The following PRPF18 variants were observed in gnomAD, a reference collection of about 807,000 sequenced individuals.
PRPF18 encodes the protein pre-mRNA processing factor 18, also known as pre-mRNA-splicing factor 18.
In PRPF18, 38 loss-of-function variants were observed where a neutral mutation model predicts 46.5. The observed-to-expected ratio is 0.82, with a 90% CI of 0.63 to 1.07. The LOEUF is 1.07. Ranked by LOEUF, PRPF18 falls within the 50% of genes least tolerant of loss-of-function variation. PRPF18 has a pLI of 0.00. For synonymous variants in PRPF18, 152 were observed against 146.7 expected (o/e 1.04, Z -0.26); for missense variants, 263 against 410.0 (o/e 0.64, Z 3.10).
At chr10:13,611,807 A>G (rs1324445591) in intron 6 of PRPF18, 124 bp downstream of exon 6, 3 of 699,328 alleles carry the variant, frequency 4.3e-6, no homozygotes, top group African/African-American at 3.6e-5. Flanking sequence ...TCACACATAC[A>G]TGATGTTTAT....
chr10:13,628,304 T>TA (rs1191673566), intron 9 of PRPF18, among the ~76,000 whole-genome samples: 1 of 152,214 alleles, frequency 6.6e-6, no homozygotes, highest in Non-Finnish European at 1.5e-5. Flanking sequence ...TGGAATCTGT[T>TA]AGATTATGGC....
intron 9 of PRPF18, among the ~76,000 whole-genome samples, chr10:13,617,738 A>T (rs2478126): frequency 6.6e-6 from 1 of 151,942 alleles, no homozygotes; most frequent in East Asian, 1.9e-4. Context: ...ATTTTTTTTT[A>T]AGTATACCTA....
intron 9 of PRPF18, among the ~76,000 whole-genome samples, chr10:13,623,739 A>T (rs1227495869): frequency 6.6e-6 from 1 of 152,182 alleles, no homozygotes. Context: ...AAAAATTGCT[A>T]ATCTTTTTAG....
At chr10:13,610,746 AGTGGGATT>A (rs1187284862) in intron 5 of PRPF18, among the ~76,000 whole-genome samples, 1 of 152,098 alleles carries the variant, frequency 6.6e-6, no homozygotes, top group African/African-American at 2.4e-5. Flanking sequence ...GGCCTAGCAA[AGTGGGATT>A]GTGGGATTTA....
At chr10:13,644,129 C>G in the PRPF18 span, 1 of 152,556 alleles carries the variant, frequency 6.6e-6, no homozygotes, top group Non-Finnish European at 1.5e-5. Context: ...AGTTTCAACA[C>G]TCACCTGCAT....
intron 9 of PRPF18, among the ~76,000 whole-genome samples, chr10:13,626,549 G>A (rs1013795647): frequency 1.3e-5 from 2 of 152,170 alleles, no homozygotes; most frequent in African/African-American, 2.4e-5. Context: ...TTTGAGGCGT[G>A]TGCGTGCATA....
chr10:13,597,719 A>C, intron 2 of PRPF18, 184 bp downstream of exon 2: 1 of 1,497,908 alleles, frequency 6.7e-7, no homozygotes, highest in African/African-American at 1.4e-5. Flanking sequence ...GAATTCAGGA[A>C]AATACATGCA....
At chr10:13,654,185 A>ACCAC in the PRPF18 span, 1 of 578,872 alleles carries the variant, frequency 1.7e-6, no homozygotes, top group African/African-American at 1.9e-5. Context: ...CATCCCAAGG[A>ACCAC]CCACCGCCTA....
chr10:13,609,148 C>T (rs900192267), intron 4 of PRPF18, among the ~76,000 whole-genome samples: 5 of 152,142 alleles, frequency 3.3e-5, no homozygotes, highest in South Asian at 2.1e-4. Flanking sequence ...GAATGTGCAC[C>T]GTGCTCCAGT....
At chr10:13,613,670 G>C in intron 6 of PRPF18, 71 bp from the exon 7 acceptor site, 1 of 1,468,746 alleles carries the variant, frequency 6.8e-7, no homozygotes, top group Admixed American at 2.1e-5. Context: ...GTTTTTGTGT[G>C]CTAGAGAGCA....
intron 9 of PRPF18, 97 bp from the exon 10 acceptor site, chr10:13,630,163 A>T (rs2080575261): frequency 3.0e-6 from 3 of 1,016,470 alleles, no homozygotes; most frequent in Non-Finnish European, 3.0e-6. Context: ...GCTGCATTTT[A>T]TGGGGACATT....
chr10:13,630,396 C>A lies in PRPF18; in HGVS notation c.*56C>A. ...GAAACTTAGGGAAGCAGGCTGTGGA[C>A]TTCTGGAATTACCAACAGGAATGAG... On this transcript the variant is annotated 3_prime_UTR_variant, in exon 10 of 10. Coordinates refer to ENST00000378572, the MANE Select transcript of PRPF18 (RefSeq NM_003675.4). 1.4e-6 allele frequency: 2 copies of A among 1,387,722 alleles called. No individual in the cohort carries two copies. Among genetic ancestry groups the A allele is most frequent in the Non-Finnish European group, 2.0e-6 (2 of 989,124 alleles). The allele number at this position is 1,387,722 out of a possible 1,614,324, so 86.0% of individuals were successfully genotyped here. A position where few individuals can be genotyped will look rare whatever the true frequency, so the allele number is the denominator to read the frequency against.
downstream of PRPF18, among the ~76,000 whole-genome samples, chr10:13,635,830 AATT>A (rs1195351404): frequency 3.9e-5 from 6 of 152,186 alleles, no homozygotes; most frequent in African/African-American, 1.4e-4. Context: ...AAAGGACTAT[AATT>A]CTTTTTTGAT....
At chr10:13,617,367 T>C (rs2080359301) in intron 9 of PRPF18, among the ~76,000 whole-genome samples, 1 of 152,236 alleles carries the variant, frequency 6.6e-6, no homozygotes, top group Admixed American at 6.5e-5. Context: ...AAGTGCTGAA[T>C]GTTAATTCGT....
downstream of PRPF18, chr10:13,631,230 A>C (rs1266791100): frequency 6.6e-6 from 1 of 152,270 alleles, no homozygotes; most frequent in Non-Finnish European, 1.5e-5. Context: ...GCTCGTTCTA[A>C]TGTTGCACAA....
At chr10:13,650,697 T>A in the PRPF18 span, among the ~76,000 whole-genome samples, 1 of 152,180 alleles carries the variant, frequency 6.6e-6, no homozygotes. Context: ...CTGTCAACTT[T>A]GCAATATTGT....
chr10:13,653,927 T>C, the PRPF18 span: 26 of 187,508 alleles, frequency 1.4e-4, no homozygotes, highest in African/African-American at 6.1e-4. Context: ...CCTGATCTCT[T>C]TTGTGTGTTG....
intron 3 of PRPF18, among the ~76,000 whole-genome samples, chr10:13,604,810 C>G (rs1355302270): frequency 6.6e-6 from 1 of 152,126 alleles, no homozygotes. Flanking sequence ...ATCTACATTT[C>G]AAAACAAGTG....
chr10:13,589,286 G>A (rs1056953316), intron 1 of PRPF18, among the ~76,000 whole-genome samples: 1 of 152,214 alleles, frequency 6.6e-6, no homozygotes, highest in Non-Finnish European at 1.5e-5. Flanking sequence ...GTGTTCTTAA[G>A]TGTAAAAATG....
Sources: gnomAD v4.1 joint callset for allele counts (sites outside exome capture counted in the v4.1 genomes callset) on GRCh38, gnomAD v4.1.1 for gene constraint, MANE v1.5 for transcripts, NCBI Gene and HGNC (gene_info 2026-07-23, HGNC 2026-07-21) for gene names.